Variants in DPP8 observed in about 807,000 individuals in gnomAD.
DPP8 encodes DPP VIII.
In DPP8, 31 loss-of-function variants were observed where a neutral mutation model predicts 107.5. The observed-to-expected ratio is 0.29, with a 90% CI of 0.22 to 0.39. The LOEUF is 0.39. Among genes scored for constraint, DPP8 ranks in the 10% least tolerant of loss-of-function variants. The probability of loss-of-function intolerance (pLI) is 1.00; values close to 1 mark genes in which losing one functional copy is unlikely to be tolerated. For missense variants in DPP8, 842 were observed against 1,076.1 expected (o/e 0.78, Z 3.04); for synonymous variants, 381 against 356.6 (o/e 1.07, Z -0.77).
At chr15:65,448,016 T>C (rs2063599568) in intron 19 of DPP8, among the ~76,000 whole-genome samples, 1 of 151,996 alleles carries the variant, frequency 6.6e-6, no homozygotes, top group Non-Finnish European at 1.5e-5. Flanking sequence ...AAAAGATCCA[T>C]CTGAAGTATA....
intron 19 of DPP8, 94 bp from the exon 20 acceptor site, chr15:65,447,100 A>G (rs1282640097): frequency 1.0e-6 from 1 of 961,046 alleles, no homozygotes; most frequent in African/African-American, 1.7e-5. Flanking sequence ...AACAGGATTA[A>G]TAATACGAAG....
intron 5 of DPP8, 125 bp downstream of exon 5, chr15:65,497,739 T>G: frequency 1.4e-6 from 1 of 709,178 alleles, no homozygotes; most frequent in East Asian, 2.9e-5. Flanking sequence ...TTTTAAAAAT[T>G]TTAAAGACTT....
intron 13 of DPP8, 34 bp from the exon 14 acceptor site, chr15:65,466,847 A>G: frequency 6.2e-7 from 1 of 1,600,290 alleles, no homozygotes; most frequent in Non-Finnish European, 8.5e-7. Flanking sequence ...ATTTTTCGTC[A>G]GGAAGGTAGA....
chr15:65,454,275 T>C lies in DPP8; in HGVS notation c.2259A>G (p.Ser753=). The stretch of plus-strand genomic sequence containing the variant: ...GGAAGTCACATACCCTGAAGATATC[T>C]GACCTCTGCATTAATGCCATCAGGG... ...YLSLMALMQR[S]DIFRVAIAGA... is the part of the protein sequence containing the mutation. Residue 753 remains serine, a synonymous_variant, in exon 17 of 20, where the codon TCA becomes TCG. Coordinates refer to ENST00000300141, the MANE Select transcript of DPP8 (RefSeq NM_130434.5). 1 of 1,548,438 alleles carries C rather than the reference T, an allele frequency of 6.5e-7. No individual in the cohort carries two copies. The highest frequency in any genetic ancestry group is 8.6e-7 in the Non-Finnish European group (1 of 1,156,764).
intron 16 of DPP8, 139 bp from the exon 17 acceptor site, chr15:65,454,554 T>C (rs2140362551): frequency 5.6e-6 from 4 of 714,400 alleles, no homozygotes; most frequent in Non-Finnish European, 8.4e-6. Context: ...TGAGATGGAG[T>C]CTCACTCTGT....
Position 65,490,284 on chromosome 15 carries a change from T to C in DPP8, c.731A>G (p.Glu244Gly). 6.2e-7 allele frequency: 1 copy of C among 1,611,396 alleles called. No homozygotes were observed. The highest frequency in any genetic ancestry group is 8.5e-7 in the Non-Finnish European group (1 of 1,177,506). Reference sequence around the variant, plus strand: ...GACTCCAGCTGATCTGGCATCTTCTTCCATGTTGGCTAGCTCTAGACAAAT... The same window carrying C: ...GACTCCAGCTGATCTGGCATCTTCTCCCATGTTGGCTAGCTCTAGACAAAT... ...TYVHNELANM[E>G]EDARSAGVAT... Residue 244 changes from glutamate (E) to glycine (G), a missense_variant, in exon 6 of 20, where the codon GAA (glutamate) becomes GGA (glycine). Glu to Gly is a moderately conservative substitution (Grantham distance 98). Transcript: ENST00000300141.
At chr15:65,458,885 G>C (rs2064670995) in intron 15 of DPP8, 1 of 152,052 alleles carries the variant, frequency 6.6e-6, no homozygotes, top group Admixed American at 6.6e-5. Context: ...CTACATTAGA[G>C]AGTCACTTCA....
Position 65,454,248 on chromosome 15 carries a change from T to C in DPP8, c.2271+15A>G, listed in dbSNP as rs1326855812. 1 of 1,484,330 alleles carries C rather than the reference T, an allele frequency of 6.7e-7. No individual in the cohort carries two copies. The highest frequency in any genetic ancestry group is 8.9e-7 in the Non-Finnish European group (1 of 1,121,490). The allele number at this position is 1,484,330 out of a possible 1,614,324, so 91.9% of individuals were successfully genotyped here. ...ACCCTTATTGCAAAAATGAGTATAA[T>C]AGGAAGTCACATACCCTGAAGATAT... is the stretch of plus-strand genomic sequence containing the variant. On this transcript the variant is annotated intron_variant, in intron 17 of 19. Coordinates refer to ENST00000300141, the MANE Select transcript of DPP8 (RefSeq NM_130434.5).
In DPP8 at chr15:65,507,811, G is replaced by A. The variant is rs1222505732; in HGVS notation, c.260-456C>T. ...CCATTTTCAGAATTTTTTGAAAATT[G>A]TGAGTCCTTTACAAGTTGGCAACAG... On this transcript the variant is annotated intron_variant, in intron 2 of 19. Coordinates refer to ENST00000300141, the MANE Select transcript of DPP8 (RefSeq NM_130434.5). Among the ~76,000 whole-genome samples, 4 of 152,244 alleles carry A rather than the reference G, an allele frequency of 2.6e-5. No homozygotes were observed. In the South Asian group the frequency reaches 8.3e-4, roughly 31 times the overall value.
At chr15:65,448,467 T>C (rs1205435869) in intron 19 of DPP8, among the ~76,000 whole-genome samples, 1 of 151,192 alleles carries the variant, frequency 6.6e-6, no homozygotes, top group Non-Finnish European at 1.5e-5. Flanking sequence ...GGTCAGAAGA[T>C]CGAGACCATC....
intron 4 of DPP8, among the ~76,000 whole-genome samples, chr15:65,498,779 A>G (rs183786422): frequency 1.3e-3 from 203 of 152,254 alleles, no homozygotes; most frequent in African/African-American, 4.5e-3. Context: ...CTCATAATCA[A>G]TTGCCTAGGA....
chr15:65,485,439 G>A lies in DPP8; in HGVS notation c.956-279C>T, dbSNP rs189623800. On this transcript the variant is annotated intron_variant, in intron 7 of 19. Coordinates refer to ENST00000300141, the MANE Select transcript of DPP8 (RefSeq NM_130434.5). Reference sequence around the variant, plus strand: ...TGCGCCTGTAATCCCAGCTACTTGGGAGGCTGAGGCAGGAGAATCACTTGA... The same window carrying A: ...TGCGCCTGTAATCCCAGCTACTTGGAAGGCTGAGGCAGGAGAATCACTTGA... 7.5e-3 allele frequency among the ~76,000 whole-genome samples: 1,139 copies of A among 151,280 alleles called. 14 individuals are homozygous for A. The highest frequency in any genetic ancestry group is 0.026 in the African/African-American group (1,087 of 41,210).
At position 65,475,240 on chromosome 15, in the gene DPP8, G is replaced by C. The variant is rs758059986; in HGVS notation, c.1457-952C>G. 56 of 524,076 alleles carry C rather than the reference G, an allele frequency of 1.1e-4. No homozygotes were observed. In the South Asian group the frequency reaches 1.1e-3, roughly 11 times the overall value. 32.5% of individuals were successfully genotyped at this position (524,076 alleles called of 1,614,324 possible). ...CCTCCCCTAAACTCAGTAGTTAGTTGAGAGTATGACATTTACAGAGAGAGG... is the reference window on the plus strand; with the variant it reads ...CCTCCCCTAAACTCAGTAGTTAGTTCAGAGTATGACATTTACAGAGAGAGG... On this transcript the variant is annotated intron_variant, in intron 11 of 19. Transcript: ENST00000300141.
chr15:65,479,906 C>T, intron 10 of DPP8, among the ~76,000 whole-genome samples: 1 of 126,296 alleles, frequency 7.9e-6, no homozygotes, highest in Non-Finnish European at 1.8e-5. Context: ...AGTTTACCAA[C>T]ATAAAAGAGA....
intron 16 of DPP8, chr15:65,455,910 G>A: frequency 8.5e-7 from 1 of 1,169,762 alleles, no homozygotes; most frequent in Non-Finnish European, 1.1e-6. Flanking sequence ...ACAGAGGACA[G>A]AACAAATCTC....
chr15:65,499,285 G>A (rs1455020512), intron 4 of DPP8, among the ~76,000 whole-genome samples: 1 of 151,558 alleles, frequency 6.6e-6, no homozygotes, highest in Non-Finnish European at 1.5e-5. Flanking sequence ...GTGGAGGACA[G>A]TAGAGCGATC....
chr15:65,470,605 C>CAAA (rs3082806), intron 12 of DPP8, among the ~76,000 whole-genome samples: 11,544 of 104,614 alleles, frequency 0.11, 945 homozygotes, highest in African/African-American at 0.23. Flanking sequence ...AGACTTGTCT[C>CAAA]AAAAAAAAAA....
chr15:65,471,467 C>T (rs1186582598), intron 12 of DPP8, among the ~76,000 whole-genome samples: 1 of 151,824 alleles, frequency 6.6e-6, no homozygotes, highest in Non-Finnish European at 1.5e-5. Flanking sequence ...CCACCTCAGC[C>T]TCCTTAGTTA....
At chr15:65,496,951 G>A (rs566518159) in intron 5 of DPP8, among the ~76,000 whole-genome samples, 58 of 152,078 alleles carry the variant, frequency 3.8e-4, no homozygotes, top group African/African-American at 1.2e-3. Flanking sequence ...GTGCAGTGGC[G>A]CAGTCTCAGC....
Sources: gnomAD v4.1 joint callset for allele counts (sites outside exome capture counted in the v4.1 genomes callset) on GRCh38, gnomAD v4.1.1 for gene constraint, MANE v1.5 for transcripts, NCBI Gene and HGNC (gene_info 2026-07-23, HGNC 2026-07-21) for gene names.